UHRF2: variants seen among roughly 807,000 people sequenced by gnomAD.
UHRF2 encodes ubiquitin like with PHD and ring finger domains 2.
In UHRF2, 23 loss-of-function variants were observed where a neutral mutation model predicts 96.8. The observed-to-expected ratio is 0.24, with a 90% CI of 0.17 to 0.34. The LOEUF is 0.34. UHRF2 is among the 10% of genes least tolerant of loss of function. UHRF2 has a pLI of 1.00. For missense variants in UHRF2, 685 were observed against 981.5 expected (o/e 0.70, Z 4.04); for synonymous variants, 385 against 332.6 (o/e 1.16, Z -1.72).
intron 2 of UHRF2, among the ~76,000 whole-genome samples, chr9:6,425,476 C>T (rs1325678415): frequency 6.6e-6 from 1 of 151,964 alleles, no homozygotes; most frequent in African/African-American, 2.4e-5. Flanking sequence ...GGATAGAGGC[C>T]GGGCGCAGTG....
chr9:6,417,428 G>A (rs1320831353), intron 1 of UHRF2, among the ~76,000 whole-genome samples: 3 of 152,140 alleles, frequency 2.0e-5, no homozygotes, highest in East Asian at 1.9e-4. Flanking sequence ...CTAAATGACC[G>A]CTTCCTTTTT....
intron 3 of UHRF2, among the ~76,000 whole-genome samples, chr9:6,450,307 C>CG (rs1364034298): frequency 7.2e-6 from 1 of 138,956 alleles, no homozygotes; most frequent in East Asian, 2.5e-4. Flanking sequence ...TTCCCCTTCC[C>CG]CCCCCCCCAT....
At chr9:6,423,323 C>T (rs1013840658) in intron 2 of UHRF2, among the ~76,000 whole-genome samples, 9 of 152,192 alleles carry the variant, frequency 5.9e-5, no homozygotes, top group Admixed American at 2.6e-4. Context: ...CTTCCTATTG[C>T]TTTATAAATT....
At chr9:6,456,145 T>C (rs1391640336) in intron 3 of UHRF2, among the ~76,000 whole-genome samples, 1 of 152,204 alleles carries the variant, frequency 6.6e-6, no homozygotes, top group East Asian at 1.9e-4. Context: ...TCTTGGCTTT[T>C]TTCTTTTTAG....
intron 15 of UHRF2, among the ~76,000 whole-genome samples, chr9:6,505,146 A>G (rs1816515761): frequency 6.6e-6 from 1 of 152,168 alleles, no homozygotes; most frequent in Admixed American, 6.5e-5. Context: ...TGCTCTACCC[A>G]GTGGTGATTA....
intron 6 of UHRF2, among the ~76,000 whole-genome samples, chr9:6,480,682 T>C (rs1823873832): frequency 6.6e-6 from 1 of 152,192 alleles, no homozygotes; most frequent in African/African-American, 2.4e-5. Flanking sequence ...GATGAGCCCA[T>C]CAGATAAAAT....
chr9:6,471,124 T>A (rs1399403556), intron 4 of UHRF2, among the ~76,000 whole-genome samples: 1 of 152,210 alleles, frequency 6.6e-6, no homozygotes. Flanking sequence ...AATGTCCTGG[T>A]AATATAGAGC....
At chr9:6,488,953 C>CA (rs1224552659) in intron 9 of UHRF2, among the ~76,000 whole-genome samples, 1 of 152,038 alleles carries the variant, frequency 6.6e-6, no homozygotes, top group Non-Finnish European at 1.5e-5. Flanking sequence ...GCTGGGACTA[C>CA]AGGCATGCAT....
At chr9:6,426,171 G>A (rs1820250878) in intron 2 of UHRF2, among the ~76,000 whole-genome samples, 1 of 152,200 alleles carries the variant, frequency 6.6e-6, no homozygotes, top group Non-Finnish European at 1.5e-5. Context: ...AAGAGCATCA[G>A]GAGAAATTAC....
chr9:6,434,288 T>A, intron 3 of UHRF2, 115 bp downstream of exon 3: 2 of 1,320,664 alleles, frequency 1.5e-6, no homozygotes, highest in Non-Finnish European at 1.0e-6. Context: ...AGAGGTTATG[T>A]TCATTTGTTA....
At chr9:6,416,645 C>G (rs1224054867) in intron 1 of UHRF2, among the ~76,000 whole-genome samples, 1 of 150,968 alleles carries the variant, frequency 6.6e-6, no homozygotes, top group African/African-American at 2.4e-5. Context: ...CGGGTTCACG[C>G]CATTCTGCCT....
chr9:6,466,926 A>G (rs1013785928), intron 4 of UHRF2, among the ~76,000 whole-genome samples: 6 of 152,222 alleles, frequency 3.9e-5, no homozygotes, highest in Admixed American at 6.5e-5. Context: ...AAAATCACAT[A>G]CATACCAGAC....
chr9:6,421,045 C>T lies in UHRF2; in HGVS notation c.287C>T (p.Pro96Leu). 1 of 1,614,150 alleles carries T rather than the reference C, an allele frequency of 6.2e-7. No individual in the cohort carries two copies. The highest frequency in any genetic ancestry group is 1.6e-4 in the Middle Eastern group (1 of 6,062). The part of the protein sequence containing the change: ...QIEAKPCSNS[P>L]PKVKKAPRVG... Reference sequence around the variant, plus strand: ...GAGGCTAAACCCTGTTCTAATAGTCCACCTAAAGTAAAGAAAGCTCCGAGG... The same window carrying T: ...GAGGCTAAACCCTGTTCTAATAGTCTACCTAAAGTAAAGAAAGCTCCGAGG... The change falls in exon 2 of 16, where the codon CCA (proline) becomes CTA (leucine). Residue 96 changes from proline to leucine, a missense_variant. Coordinates refer to ENST00000276893, the MANE Select transcript of UHRF2 (RefSeq NM_152896.3).
At position 6,476,283 on chromosome 9, in the gene UHRF2, C is replaced by T. The variant is rs149499782; in HGVS notation, c.973+783C>T. Among the ~76,000 whole-genome samples, 40 of 152,078 alleles carry T rather than the reference C, an allele frequency of 2.6e-4. 1 individual carries two copies. Among genetic ancestry groups the T allele is most frequent in the Admixed American group, 3.9e-4 (6 of 15,274 alleles). ...CATATTGTCTTTTTATCTGTTGATG[C>T]GTTTCTTGCTGTTTCTTCTGTTATA... On this transcript the variant is annotated intron_variant, in intron 5 of 15. Coordinates refer to ENST00000276893, the MANE Select transcript of UHRF2 (RefSeq NM_152896.3).
intron 3 of UHRF2, among the ~76,000 whole-genome samples, chr9:6,455,486 G>A (rs1822124297): frequency 6.6e-6 from 1 of 152,098 alleles, no homozygotes; most frequent in Non-Finnish European, 1.5e-5. Flanking sequence ...TTTTATGGCT[G>A]CATAATATTC....
Position 6,434,126 on chromosome 9 carries a change from C to T in UHRF2, c.597C>T (p.Asp199=), listed in dbSNP as rs1820701570. 6.2e-7 allele frequency: 1 copy of T among 1,613,946 alleles called. No individual in the cohort carries two copies. The highest frequency in any genetic ancestry group is 1.3e-5 in the African/African-American group (1 of 74,920). The part of the protein sequence containing the change: ...LDSVPSTSNS[D]CVAADEDVIY... ...GTGTACCCTCTACGTCTAATTCAGA[C>T]TGTGTTGCTGCTGATGAAGACGTTA... The change falls in exon 3 of 16, where the codon GAC becomes GAT. Residue 199 remains aspartate (D), a synonymous_variant. Transcript: ENST00000276893.
intron 4 of UHRF2, among the ~76,000 whole-genome samples, chr9:6,470,484 C>T (rs1191461298): frequency 6.6e-6 from 1 of 151,630 alleles, no homozygotes; most frequent in Admixed American, 6.6e-5. Flanking sequence ...CAGACAGGCA[C>T]TAAGAGAAAT....
At position 6,413,461 on chromosome 9, in the gene UHRF2, A is replaced by C; in HGVS notation, c.-30A>C. 1 of 1,498,654 alleles carries C rather than the reference A, an allele frequency of 6.7e-7. No individual in the cohort carries two copies. Among genetic ancestry groups the C allele is most frequent in the Non-Finnish European group, 9.0e-7 (1 of 1,114,290 alleles). 92.8% of individuals were successfully genotyped at this position (1,498,654 alleles called of 1,614,324 possible). A position where few individuals can be genotyped will look rare whatever the true frequency, so the allele number is the denominator to read the frequency against. On this transcript the variant is annotated 5_prime_UTR_variant, in exon 1 of 16. Transcript: ENST00000276893. ...GGCGCCCAGAGCTCAGGGGGAGACA[A>C]AGGGGACCGGTTCCTCTCTAGGCGC...
intron 2 of UHRF2, among the ~76,000 whole-genome samples, chr9:6,423,680 T>A (rs1206296891): frequency 6.6e-6 from 1 of 151,372 alleles, no homozygotes; most frequent in African/African-American, 2.4e-5. Context: ...GCGTGGTGGC[T>A]CACACCTGTA....
Sources: gnomAD v4.1 joint callset for allele counts (sites outside exome capture counted in the v4.1 genomes callset) on GRCh38, gnomAD v4.1.1 for gene constraint, MANE v1.5 for transcripts, NCBI Gene and HGNC (gene_info 2026-07-23, HGNC 2026-07-21) for gene names.